TENM2: variants seen among roughly 807,000 people sequenced by gnomAD.
The protein encoded by TENM2 is teneurin-2.
Under a neutral mutation model 245.2 loss-of-function variants are expected in TENM2, and 52 were observed. The observed-to-expected ratio is 0.21, with a 90% confidence interval of 0.17 to 0.27. The LOEUF (loss-of-function observed/expected upper bound fraction) is 0.27. Among genes scored for constraint, TENM2 ranks in the 10% least tolerant of loss-of-function variants. TENM2 has a pLI of 1.00. For synonymous variants in TENM2, 1,363 were observed against 1,438.9 expected, an observed-to-expected ratio of 0.95 and a Z score of 1.19; for missense variants, 3,046 against 3,666.8, an observed-to-expected ratio of 0.83 and a Z score of 4.37.
chr5:167,635,390 T>C (rs1225946508), intron 2 of TENM2, among the ~76,000 whole-genome samples: 1 of 152,088 alleles, frequency 6.6e-6, no homozygotes, highest in Non-Finnish European at 1.5e-5. Flanking sequence ...TTTTTTCTTT[T>C]TCTTTCTTTT....
At chr5:167,767,580 A>G (rs1314133649) in intron 2 of TENM2, among the ~76,000 whole-genome samples, 2 of 152,228 alleles carry the variant, frequency 1.3e-5, no homozygotes, top group African/African-American at 2.4e-5. Context: ...ACAATAAAAG[A>G]GAACCACTAT....
the TENM2 span, among the ~76,000 whole-genome samples, chr5:167,112,856 G>T: frequency 6.6e-6 from 1 of 152,184 alleles, no homozygotes; most frequent in African/African-American, 2.4e-5. Context: ...TAGAGGTGTG[G>T]CATCAAGACA....
chr5:167,241,183 G>C, the TENM2 span, among the ~76,000 whole-genome samples: 3 of 152,040 alleles, frequency 2.0e-5, no homozygotes, highest in Non-Finnish European at 4.4e-5. Context: ...CATTCATTCA[G>C]CTACTATTTA....
At chr5:168,198,914 A>T (rs1391617942) in exon 16 of TENM2, 1 of 1,613,910 alleles carries the variant, frequency 6.2e-7, no homozygotes, top group Admixed American at 1.7e-5. Context: ...AGCCCCGTTC[A>T]TGAGCCAGGA....
At chr5:167,290,489 C>T (rs1003683455) in intron 1 of TENM2, among the ~76,000 whole-genome samples, 5 of 152,252 alleles carry the variant, frequency 3.3e-5, no homozygotes, top group East Asian at 1.9e-4. Context: ...ACTTGCTCTC[C>T]GACCCTAATA....
At chr5:167,858,896 A>C (rs1214034105) in intron 2 of TENM2, among the ~76,000 whole-genome samples, 3 of 131,546 alleles carry the variant, frequency 2.3e-5, no homozygotes. Flanking sequence ...TTGGCCTCCC[A>C]AAGTGCCGAG....
At chr5:167,476,829 C>T (rs560480284) in intron 2 of TENM2, among the ~76,000 whole-genome samples, 2 of 152,200 alleles carry the variant, frequency 1.3e-5, no homozygotes, top group South Asian at 4.1e-4. Flanking sequence ...GAACTCCTGA[C>T]CTCAGGTGAT....
chr5:167,162,752 C>CA, the TENM2 span, among the ~76,000 whole-genome samples: 1 of 152,036 alleles, frequency 6.6e-6, no homozygotes, highest in Non-Finnish European at 1.5e-5. Context: ...CCCTGATACT[C>CA]ATGACCAATC....
the TENM2 span, among the ~76,000 whole-genome samples, chr5:167,230,323 G>T: frequency 6.6e-6 from 1 of 152,170 alleles, no homozygotes; most frequent in Non-Finnish European, 1.5e-5. Context: ...TGCAATGGGG[G>T]CCTTTCCTGA....
At chr5:167,937,921 T>G (rs923481531) in intron 3 of TENM2, 1 of 152,242 alleles carries the variant, frequency 6.6e-6, no homozygotes, top group Non-Finnish European at 1.5e-5. Context: ...ATTTCATGCA[T>G]GCAAAGAGCA....
At chr5:168,060,002 A>G (rs763526259) in intron 6 of TENM2, among the ~76,000 whole-genome samples, 13 of 152,182 alleles carry the variant, frequency 8.5e-5, no homozygotes, top group African/African-American at 1.9e-4. Flanking sequence ...AGCCATGGCA[A>G]TTTCAGCCCA....
intron 2 of TENM2, among the ~76,000 whole-genome samples, chr5:167,411,334 A>G (rs1762895398): frequency 6.6e-6 from 1 of 152,140 alleles, no homozygotes; most frequent in African/African-American, 2.4e-5. Context: ...TCAATTACAA[A>G]TTCCTTTGCC....
chr5:168,047,640 G>A, intron 6 of TENM2, 91 bp downstream of exon 8: 2 of 1,439,946 alleles, frequency 1.4e-6, no homozygotes, highest in Non-Finnish European at 1.9e-6. Context: ...CCAAATCTTG[G>A]AAGGTATGCC....
chr5:167,835,006 G>A (rs1195459140), intron 2 of TENM2, among the ~76,000 whole-genome samples: 1 of 152,150 alleles, frequency 6.6e-6, no homozygotes, highest in African/African-American at 2.4e-5. Flanking sequence ...AGATGTTATA[G>A]GCTTTGAATC....
the TENM2 span, among the ~76,000 whole-genome samples, chr5:167,162,600 C>G: frequency 6.6e-6 from 1 of 151,152 alleles, no homozygotes; most frequent in African/African-American, 2.4e-5. Flanking sequence ...TGCACTGCAG[C>G]CTGGTGACAA....
intron 2 of TENM2, among the ~76,000 whole-genome samples, chr5:167,377,612 C>T (rs1416914094): frequency 6.6e-6 from 1 of 152,160 alleles, no homozygotes; most frequent in Non-Finnish European, 1.5e-5. Context: ...TTACACATCA[C>T]ATCATAAACT....
chr5:167,331,023 G>A (rs1457711799), intron 1 of TENM2, among the ~76,000 whole-genome samples: 1 of 151,990 alleles, frequency 6.6e-6, no homozygotes, highest in Non-Finnish European at 1.5e-5. Context: ...AGAACATGAG[G>A]TCAGGAGTTC....
rs149643927 is a variant in TENM2 at position 168,074,209 on chromosome 5, C to A, written c.1515+11944C>A. On this transcript the variant is annotated intron_variant, in intron 7 of 28. Coordinates refer to ENST00000518659, the Ensembl canonical transcript of TENM2. Reference sequence around the variant, plus strand: ...TTTTCATTTCCCCTACATCACCCCCCTCCCATACCAGAGACATTCAAAATA... The same window carrying A: ...TTTTCATTTCCCCTACATCACCCCCATCCCATACCAGAGACATTCAAAATA... Among the ~76,000 whole-genome samples, 146 of 152,294 alleles carry A rather than the reference C, an allele frequency of 9.6e-4. 2 individuals carry two copies. The highest frequency in any genetic ancestry group is 3.3e-3 in the African/African-American group (138 of 41,558).
At chr5:168,024,918 T>C (rs1483580420) in intron 5 of TENM2, among the ~76,000 whole-genome samples, 2 of 152,210 alleles carry the variant, frequency 1.3e-5, no homozygotes, top group Non-Finnish European at 2.9e-5. Flanking sequence ...AAGAATGCTA[T>C]ATGAAATGCA....
Sources: gnomAD v4.1 joint callset for allele counts (sites outside exome capture counted in the v4.1 genomes callset) on GRCh38, gnomAD v4.1.1 for gene constraint, MANE v1.5 for transcripts, NCBI Gene and HGNC (gene_info 2026-07-23, HGNC 2026-07-21) for gene names.